The following HEATR5B variants were observed in gnomAD, a reference collection of about 807,000 sequenced individuals.
HEATR5B encodes the protein HEAT repeat containing 5B.
A neutral mutation model predicts 224.1 loss-of-function variants in HEATR5B; 156 were observed. The observed-to-expected ratio is 0.70, with a 90% CI of 0.61 to 0.80. The LOEUF is 0.80. Ranked by LOEUF, HEATR5B falls within the 30% of genes least tolerant of loss-of-function variation. HEATR5B has a pLI of 0.00. For synonymous variants in HEATR5B, 1,027 were observed against 893.0 expected (o/e 1.15, Z -2.68); for missense variants, 2,323 against 2,535.5 (o/e 0.92, Z 1.80).
chr2:37,060,723 G>A lies in HEATR5B; in HGVS notation c.1707C>T (p.Val569=), dbSNP rs745583174. 14 of 1,612,654 alleles carry A rather than the reference G, an allele frequency of 8.7e-6. No homozygotes were observed. The South Asian group carries it at 9.9e-5, about 11-fold the overall frequency. Residue 569 remains valine (V), a synonymous_variant, in exon 12 of 36, where the codon GTC becomes GTT. Coordinates refer to ENST00000233099, the MANE Select transcript of HEATR5B (RefSeq NM_019024.3). ...LGALMTLGPS[V]VRYHLPKMLL... is the part of the protein sequence containing the mutation. ...ACATCTTGGGCAGATGGTAACGAAC[G>A]ACAGATGGTCCTAGCCAAGAAAATG...
At chr2:37,045,271 T>C (rs550565030) in intron 18 of HEATR5B, among the ~76,000 whole-genome samples, 1 of 152,228 alleles carries the variant, frequency 6.6e-6, no homozygotes, top group Admixed American at 6.5e-5. Flanking sequence ...ATGTGCCTAG[T>C]AATTTTTGAT....
chr2:37,002,558 C>T lies in HEATR5B; in HGVS notation c.5065G>A (p.Glu1689Lys), dbSNP rs112001572. The change falls in exon 32 of 36, where the codon GAA becomes AAA. Residue 1689 changes from glutamate to lysine, a missense_variant. Glu to Lys is a moderately conservative substitution (Grantham distance 56). Transcript: ENST00000233099. ...CCCAATACGGTACAGGCCTCTTTTT[C>T]CATATCATCTTCATCTGAGGTAAAA... ...KRNTLNEDDM[E>K]KEACTVLGEG... 1 of 1,613,706 alleles carries T rather than the reference C, an allele frequency of 6.2e-7. No individual in the cohort carries two copies.
At chr2:37,079,097 C>G (rs770349068) in intron 3 of HEATR5B, 23 bp downstream of exon 3, 1 of 1,408,482 alleles carries the variant, frequency 7.1e-7, no homozygotes, top group Non-Finnish European at 9.9e-7. Flanking sequence ...ACTTCAAGGG[C>G]CCCTATTAAA....
rs777613225 is a variant in HEATR5B at position 37,008,685 on chromosome 2, A to C, written c.4448T>G (p.Leu1483Arg). The C allele has an allele frequency of 6.2e-7, 1 of 1,614,180 alleles. No individual in the cohort carries two copies. The highest frequency in any genetic ancestry group is 1.3e-5 in the African/African-American group (1 of 75,048). ...VQPELPTLSRLWLAALKDYAL... is the reference protein window; with the variant it reads ...VQPELPTLSRRWLAALKDYAL... ...ATAATCTTTTAATGCTGCTAACCACAGGCGACTGAGTGTTGGTAGTTCAGG... is the reference window on the plus strand; with the variant it reads ...ATAATCTTTTAATGCTGCTAACCACCGGCGACTGAGTGTTGGTAGTTCAGG... The change falls in exon 28 of 36, where the codon CTG (leucine) becomes CGG (arginine). Residue 1483 changes from leucine to arginine, a missense_variant. By Grantham distance (102) the Leu-to-Arg change is moderately radical. Around this residue, in one of 12 missense-constraint regions of HEATR5B, gnomAD observed 844 missense variants for 812.9 expected, o/e 1.04. Transcript: ENST00000233099.
At chr2:36,990,175 G>A (rs917038462) in intron 34 of HEATR5B, among the ~76,000 whole-genome samples, 10 of 152,040 alleles carry the variant, frequency 6.6e-5, no homozygotes, top group Non-Finnish European at 1.3e-4. Flanking sequence ...GATTACAGGC[G>A]TGAGCCACCG....
intron 4 of HEATR5B, 142 bp from the exon 5 acceptor site, chr2:37,075,776 A>G: frequency 1.9e-6 from 1 of 518,428 alleles, no homozygotes; most frequent in Non-Finnish European, 3.3e-6. Flanking sequence ...CAATAAAATT[A>G]AGTATTCTAG....
intron 17 of HEATR5B, among the ~76,000 whole-genome samples, chr2:37,053,228 T>C (rs1458597343): frequency 6.6e-6 from 1 of 152,232 alleles, no homozygotes; most frequent in African/African-American, 2.4e-5. Context: ...ATTTCATTCG[T>C]CAAACATCTT....
At chr2:36,996,973 T>G (rs897036827) in intron 33 of HEATR5B, among the ~76,000 whole-genome samples, 1 of 111,046 alleles carries the variant, frequency 9.0e-6, no homozygotes, top group Non-Finnish European at 2.0e-5. Context: ...TCAACCCACC[T>G]TGACCTCCTA....
At chr2:37,059,692 G>A (rs934973637) in intron 12 of HEATR5B, among the ~76,000 whole-genome samples, 9 of 151,748 alleles carry the variant, frequency 5.9e-5, no homozygotes, top group Non-Finnish European at 1.0e-4. Context: ...TAGAACTCCT[G>A]AGAGTGATCC....
At chr2:37,026,534 T>C (rs751824755) in intron 24 of HEATR5B, among the ~76,000 whole-genome samples, 8 of 152,188 alleles carry the variant, frequency 5.3e-5, no homozygotes, top group Non-Finnish European at 7.3e-5. Context: ...TTTAATGTTC[T>C]CAAAGTACTC....
chr2:37,020,760 C>G lies in HEATR5B; in HGVS notation c.3930G>C (p.Leu1310=), dbSNP rs1206831627. ...FMAATDHSNQ[L]RMAGLQALED... ...CAAGCGCCTGGAGCCCAGCCATTCG[C>G]AGCTGGTTGCTATGATCAGTTGCAG... Residue 1310 remains leucine, a synonymous_variant, in exon 25 of 36, where the codon CTG becomes CTC. Coordinates refer to ENST00000233099, the MANE Select transcript of HEATR5B (RefSeq NM_019024.3). 3.1e-6 allele frequency: 5 copies of G among 1,610,620 alleles called. No homozygotes were observed. The African/African-American group carries it at 6.7e-5, about 22-fold the overall frequency.
chr2:37,067,177 T>A (rs1439000372), intron 8 of HEATR5B, among the ~76,000 whole-genome samples: 5 of 152,154 alleles, frequency 3.3e-5, no homozygotes, highest in Admixed American at 3.3e-4. Context: ...CCTGGCCAAA[T>A]AACTCTTGTT....
intron 2 of HEATR5B, among the ~76,000 whole-genome samples, chr2:37,082,106 G>C (rs913936982): frequency 1.0e-5 from 1 of 97,730 alleles, no homozygotes; most frequent in Non-Finnish European, 1.8e-5. Context: ...TTTCACTCTT[G>C]TCCCCCGGGC....
chr2:37,027,368 T>C (rs1273166968), intron 24 of HEATR5B, among the ~76,000 whole-genome samples: 2 of 152,104 alleles, frequency 1.3e-5, no homozygotes, highest in Admixed American at 6.5e-5. Context: ...TTCCCTATAA[T>C]AACAGATTCA....
intron 27 of HEATR5B, among the ~76,000 whole-genome samples, chr2:37,012,093 A>T (rs1037157320): frequency 6.6e-6 from 1 of 152,230 alleles, no homozygotes; most frequent in Non-Finnish European, 1.5e-5. Flanking sequence ...AAGCATAAGC[A>T]AAATGAAGAA....
At chr2:37,082,680 G>T (rs545620808) in intron 2 of HEATR5B, among the ~76,000 whole-genome samples, 1 of 152,192 alleles carries the variant, frequency 6.6e-6, no homozygotes, top group South Asian at 2.1e-4. Flanking sequence ...TTTCCCATAA[G>T]GGATACTTTT....
At chr2:37,056,638 T>G in intron 15 of HEATR5B, 23 bp from the exon 16 acceptor site, 1 of 1,562,858 alleles carries the variant, frequency 6.4e-7, no homozygotes, top group Non-Finnish European at 8.7e-7. Flanking sequence ...GAAATAAAAA[T>G]TATTCAAAAT....
At chr2:36,993,841 T>TA (rs1015971708) in intron 33 of HEATR5B, among the ~76,000 whole-genome samples, 2 of 151,548 alleles carry the variant, frequency 1.3e-5, no homozygotes, top group Admixed American at 6.6e-5. Context: ...AAAAAAAAAT[T>TA]AGACAATTCT....
At chr2:37,014,043 C>T (rs760485897) in intron 26 of HEATR5B, 23 bp from the exon 27 acceptor site, 1 of 1,417,748 alleles carries the variant, frequency 7.1e-7, no homozygotes, top group Non-Finnish European at 9.5e-7. Context: ...AATTCAAAAA[C>T]TTTTGTGTAA....
Sources: gnomAD v4.1 joint callset for allele counts (sites outside exome capture counted in the v4.1 genomes callset) on GRCh38, gnomAD v4.1.1 for gene constraint, gnomAD v4.1.1 regional missense constraint, MANE v1.5 for transcripts, NCBI Gene and HGNC (gene_info 2026-07-23, HGNC 2026-07-21) for gene names.